Variants in PRKAA2 observed in about 807,000 individuals in gnomAD.
PRKAA2 encodes the protein protein kinase AMP-activated catalytic subunit alpha 2, also known as 5'-AMP-activated protein kinase catalytic subunit alpha-2.
PRKAA2 carries 40 observed loss-of-function variants against 56.3 expected under a neutral mutation model. The observed-to-expected ratio is 0.71, with a 90% CI of 0.55 to 0.92. The LOEUF (loss-of-function observed/expected upper bound fraction) is 0.92, where lower values mean the gene tolerates loss of function less well. Ranked by LOEUF, PRKAA2 falls within the 40% of genes least tolerant of loss-of-function variation. The probability of loss-of-function intolerance (pLI) is 0.00; values close to 1 mark genes in which losing one functional copy is unlikely to be tolerated. For missense variants in PRKAA2, 542 were observed against 686.9 expected (o/e 0.79, Z 2.36); for synonymous variants, 214 against 234.2 (o/e 0.91, Z 0.79).
At chr1:56,705,106 T>A (rs1479984730) in intron 7 of PRKAA2, among the ~76,000 whole-genome samples, 1 of 152,194 alleles carries the variant, frequency 6.6e-6, no homozygotes, top group Non-Finnish European at 1.5e-5. Flanking sequence ...CTTTCACTCT[T>A]GTTCTTTTCT....
chr1:56,665,543 G>A (rs1317534934), intron 1 of PRKAA2, among the ~76,000 whole-genome samples: 2 of 152,124 alleles, frequency 1.3e-5, no homozygotes, highest in African/African-American at 4.8e-5. Flanking sequence ...TATAATACTT[G>A]GGAGTGAAAT....
At chr1:56,688,300 A>G (rs1644205681) in intron 2 of PRKAA2, among the ~76,000 whole-genome samples, 1 of 152,066 alleles carries the variant, frequency 6.6e-6, no homozygotes, top group Admixed American at 6.6e-5. Context: ...GTTTCAGATT[A>G]CTCTGGTTTT....
Position 56,668,037 on chromosome 1 carries a change from C to G in PRKAA2, c.95-6344C>G, listed in dbSNP as rs116640512. Among the ~76,000 whole-genome samples the G allele has an allele frequency of 9.6e-3, 1,453 of 152,138 alleles. 29 individuals carry two copies. The highest frequency in any genetic ancestry group is 0.034 in the African/African-American group (1,417 of 41,500). On this transcript the variant is annotated intron_variant, in intron 1 of 8. Transcript: ENST00000371244. ...TGATTTTATTTATTTAGATAAAATA[C>G]GATGATAGACTTGATTTTACTTATT...
chr1:56,650,169 A>G (rs1646676074), intron 1 of PRKAA2, among the ~76,000 whole-genome samples: 1 of 152,242 alleles, frequency 6.6e-6, no homozygotes, highest in Non-Finnish European at 1.5e-5. Context: ...TTAGGGACAA[A>G]AAGCAAAAAT....
intron 7 of PRKAA2, among the ~76,000 whole-genome samples, chr1:56,705,383 GTTTTTTTGTTTA>G (rs1306142801): frequency 1.4e-5 from 2 of 141,112 alleles, no homozygotes; most frequent in African/African-American, 2.5e-5. Context: ...AAGCAGTGTT[GTTTTTTTGTTTA>G]TTTTTTGTTG....
At chr1:56,706,908 G>A (rs1018676208) in intron 8 of PRKAA2, among the ~76,000 whole-genome samples, 2 of 152,152 alleles carry the variant, frequency 1.3e-5, no homozygotes, top group African/African-American at 4.8e-5. Flanking sequence ...CATCAACTAT[G>A]TATGGTAGTG....
At chr1:56,682,225 T>C (rs920979623) in intron 2 of PRKAA2, among the ~76,000 whole-genome samples, 2 of 152,158 alleles carry the variant, frequency 1.3e-5, no homozygotes, top group African/African-American at 4.8e-5. Flanking sequence ...TTTTATGTTC[T>C]GGACAGTAAG....
chr1:56,706,534 A>G (rs1644333474), intron 8 of PRKAA2, among the ~76,000 whole-genome samples: 1 of 152,212 alleles, frequency 6.6e-6, no homozygotes. Flanking sequence ...ATTCTTTGTC[A>G]TATTTCTCCA....
rs372121439 is a variant in PRKAA2, at chr1:56,703,698, T to A, written c.789-273T>A. ...TTGCTTGAAAGCTTGAATTTTATCA[T>A]TGGCAACAAATATTGCTGGTTGTTT... is the stretch of plus-strand genomic sequence containing the variant. On this transcript the variant is annotated intron_variant, in intron 6 of 8. Coordinates refer to ENST00000371244, the MANE Select transcript of PRKAA2 (RefSeq NM_006252.4). Among the ~76,000 whole-genome samples, 27 of 152,344 alleles carry A rather than the reference T, an allele frequency of 1.8e-4. No individual in the cohort carries two copies. In the South Asian group the frequency reaches 5.2e-3, roughly 29 times the overall value.
chr1:56,656,225 A>G (rs1323524928), intron 1 of PRKAA2, among the ~76,000 whole-genome samples: 1 of 152,232 alleles, frequency 6.6e-6, no homozygotes, highest in African/African-American at 2.4e-5. Context: ...AAGGATGAAA[A>G]GAAAGTATAA....
chr1:56,692,846 T>A (rs946456777), intron 4 of PRKAA2, among the ~76,000 whole-genome samples: 2 of 151,520 alleles, frequency 1.3e-5, no homozygotes, highest in Non-Finnish European at 2.9e-5. Context: ...GAAAATCTCA[T>A]GAAAGTATGG....
At chr1:56,691,006 C>A (rs1644225666) in intron 2 of PRKAA2, among the ~76,000 whole-genome samples, 2 of 152,158 alleles carry the variant, frequency 1.3e-5, no homozygotes, top group African/African-American at 4.8e-5. Context: ...CTTGGCCTTC[C>A]AAAGTGCTGG....
At chr1:56,677,126 T>A (rs1644119261) in intron 2 of PRKAA2, among the ~76,000 whole-genome samples, 1 of 152,192 alleles carries the variant, frequency 6.6e-6, no homozygotes, top group Non-Finnish European at 1.5e-5. Context: ...ATTGTTTCTT[T>A]AACTTTAAAA....
chr1:56,710,603 A>G lies in PRKAA2; in HGVS notation c.*2890A>G, dbSNP rs1302267683. ...TGGTTGTTGGGAGAATCTGATTGAA[A>G]ATTAGAATTACTTTGTTTTAACTTG... On this transcript the variant is annotated 3_prime_UTR_variant, in exon 9 of 9. Coordinates refer to ENST00000371244, the MANE Select transcript of PRKAA2 (RefSeq NM_006252.4). The G allele has an allele frequency of 6.6e-6, 1 of 152,140 alleles. No individual in the cohort carries two copies. Among genetic ancestry groups the G allele is most frequent in the Non-Finnish European group, 1.5e-5 (1 of 67,992 alleles). 9.4% of individuals were successfully genotyped at this position (152,140 alleles called of 1,614,324 possible). A position where few individuals can be genotyped will look rare whatever the true frequency, so the allele number is the denominator to read the frequency against.
intron 1 of PRKAA2, among the ~76,000 whole-genome samples, chr1:56,657,444 A>C (rs1295315910): frequency 6.6e-6 from 1 of 152,182 alleles, no homozygotes; most frequent in Non-Finnish European, 1.5e-5. Context: ...TTGGGAGGCC[A>C]AGGCGGGGAT....
chr1:56,659,831 C>G (rs1643980072), intron 1 of PRKAA2, among the ~76,000 whole-genome samples: 1 of 152,044 alleles, frequency 6.6e-6, no homozygotes, highest in Admixed American at 6.6e-5. Context: ...TCGCTTAGGC[C>G]TGGGAGGTTG....
chr1:56,651,913 C>G (rs1432172626), intron 1 of PRKAA2, among the ~76,000 whole-genome samples: 1 of 151,488 alleles, frequency 6.6e-6, no homozygotes, highest in Non-Finnish European at 1.5e-5. Flanking sequence ...GCTATCTCAG[C>G]TCACTGCAAG....
intron 2 of PRKAA2, among the ~76,000 whole-genome samples, chr1:56,678,335 C>G (rs1287353355): frequency 3.3e-5 from 5 of 152,198 alleles, no homozygotes; most frequent in Non-Finnish European, 5.9e-5. Flanking sequence ...CTTACCCTTT[C>G]AGTGGTTTTC....
chr1:56,650,072 G>A (rs1020490463), intron 1 of PRKAA2, among the ~76,000 whole-genome samples: 2 of 151,994 alleles, frequency 1.3e-5, no homozygotes, highest in African/African-American at 2.4e-5. Context: ...TCCAGCCTGG[G>A]TGACAGAGCG....
Sources: gnomAD v4.1 joint callset for allele counts (sites outside exome capture counted in the v4.1 genomes callset) on GRCh38, gnomAD v4.1.1 for gene constraint, MANE v1.5 for transcripts, NCBI Gene and HGNC (gene_info 2026-07-23, HGNC 2026-07-21) for gene names.